The following KDSR variants were observed in gnomAD, a reference collection of about 807,000 sequenced individuals.
KDSR encodes the protein 3-dehydrosphinganine reductase.
In KDSR, 23 loss-of-function variants were observed where a neutral mutation model predicts 41.3. That is an observed-to-expected ratio of 0.56 (90% confidence interval 0.40 to 0.79). The LOEUF is 0.79. KDSR is among the 30% of genes least tolerant of loss of function. The probability of loss-of-function intolerance (pLI) is 0.00; values close to 1 mark genes in which losing one functional copy is unlikely to be tolerated. For synonymous variants in KDSR, 138 were observed against 151.7 expected (o/e 0.91, Z 0.66); for missense variants, 351 against 416.8 (o/e 0.84, Z 1.37).
rs563487105 is a variant in KDSR, at chr18:63,343,162, G to A, written c.693+1248C>T. 1.8e-4 allele frequency among the ~76,000 whole-genome samples: 28 copies of A among 152,238 alleles called. No homozygotes were observed. The South Asian group carries it at 4.1e-3, about 23-fold the overall frequency. On this transcript the variant is annotated intron_variant, in intron 7 of 9. Coordinates refer to ENST00000645214, the MANE Select transcript of KDSR (RefSeq NM_002035.4). ...ATCTCAGGCATTTATTTATAGTAATGCAAGAACGGACTAATACACTATCCT... is the reference window on the plus strand; with the variant it reads ...ATCTCAGGCATTTATTTATAGTAATACAAGAACGGACTAATACACTATCCT...
chr18:63,362,585 C>A (rs1915020763), intron 2 of KDSR, among the ~76,000 whole-genome samples, 194 bp downstream of exon 2: 1 of 152,150 alleles, frequency 6.6e-6, no homozygotes, highest in South Asian at 2.1e-4. Flanking sequence ...TAAATAAATA[C>A]TTGTGGGGCC....
intron 6 of KDSR, among the ~76,000 whole-genome samples, chr18:63,348,235 G>A (rs917979262): frequency 4.6e-5 from 7 of 151,804 alleles, no homozygotes; most frequent in Non-Finnish European, 8.8e-5. Flanking sequence ...CTTGGGCCCA[G>A]GAAGTGGAGG....
In KDSR at chr18:63,330,809, C is replaced by CTTT; in HGVS notation, c.*970_*972dup. ...AAAATTTTAGCTGGTCTTTTTTTTC[C>CTTT]TTTTTTTTTTTTTTTACAAAAATAT... On this transcript the variant is annotated 3_prime_UTR_variant, in exon 10 of 10. Coordinates refer to ENST00000645214, the MANE Select transcript of KDSR (RefSeq NM_002035.4). 2 of 198,022 alleles carry CTTT rather than the reference C, an allele frequency of 1.0e-5. No individual in the cohort carries two copies. Among genetic ancestry groups the CTTT allele is most frequent in the East Asian group, 7.2e-5 (1 of 13,834 alleles). 12.3% of individuals were successfully genotyped at this position (198,022 alleles called of 1,614,324 possible).
chr18:63,348,275 C>T (rs985026118), intron 6 of KDSR, among the ~76,000 whole-genome samples: 3 of 151,100 alleles, frequency 2.0e-5, no homozygotes, highest in Non-Finnish European at 4.4e-5. Context: ...AACCACTGCA[C>T]TCCAGCCTCG....
chr18:63,352,895 G>A (rs1315802378), intron 5 of KDSR, among the ~76,000 whole-genome samples: 4 of 151,746 alleles, frequency 2.6e-5, no homozygotes, highest in South Asian at 2.1e-4. Flanking sequence ...AGCCGGGCAC[G>A]GTGGCTCATG....
intron 8 of KDSR, chr18:63,335,609 T>C: frequency 2.5e-6 from 1 of 392,872 alleles, no homozygotes; most frequent in Non-Finnish European, 4.6e-6. Context: ...ATTCATTGTC[T>C]TTTCCACAGT....
At chr18:63,348,107 C>T (rs535732583) in intron 6 of KDSR, among the ~76,000 whole-genome samples, 7 of 151,848 alleles carry the variant, frequency 4.6e-5, no homozygotes, top group South Asian at 4.2e-4. Flanking sequence ...GGCAACATAG[C>T]GAGCGAGACC....
At chr18:63,332,991 AAAG>A (rs1414748081) in intron 9 of KDSR, among the ~76,000 whole-genome samples, 2 of 152,138 alleles carry the variant, frequency 1.3e-5, no homozygotes, top group Non-Finnish European at 2.9e-5. Flanking sequence ...AAGATTCCAA[AAAG>A]AAGAAGATGG....
chr18:63,350,854 G>C (rs1170469501), intron 6 of KDSR, 34 bp downstream of exon 6: 2 of 1,471,602 alleles, frequency 1.4e-6, no homozygotes, highest in Non-Finnish European at 9.4e-7. Flanking sequence ...GCTGAGCGGA[G>C]AGGAATAAAT....
chr18:63,359,945 C>T (rs544549127), intron 2 of KDSR, among the ~76,000 whole-genome samples, 153 bp from the exon 3 acceptor site: 2 of 152,206 alleles, frequency 1.3e-5, no homozygotes, highest in South Asian at 2.1e-4. Flanking sequence ...ACAGACTGGG[C>T]CACAGCCTAT....
At chr18:63,341,407 T>C (rs2144355368) in intron 7 of KDSR, among the ~76,000 whole-genome samples, 1 of 150,898 alleles carries the variant, frequency 6.6e-6, no homozygotes, top group Non-Finnish European at 1.5e-5. Flanking sequence ...AATAAAGATT[T>C]CAACAAAAAG....
chr18:63,342,045 T>A lies in KDSR; in HGVS notation c.693+2365A>T, dbSNP rs182422968. ...TCAGCCGGGCTTGGTGGCACGCACC[T>A]GTAATCCCAGCTACTCAGGAGGCTG... On this transcript the variant is annotated intron_variant, in intron 7 of 9. Transcript: ENST00000645214. Among the ~76,000 whole-genome samples the A allele has an allele frequency of 9.7e-4, 147 of 151,776 alleles. 2 individuals carry two copies. The highest frequency in any genetic ancestry group is 3.5e-3 in the African/African-American group (145 of 41,356).
Position 63,344,462 on chromosome 18 carries a change from G to A in KDSR, c.641C>T (p.Ala214Val). The A allele has an allele frequency of 6.2e-7, 1 of 1,613,974 alleles. No individual in the cohort carries two copies. The highest frequency in any genetic ancestry group is 8.5e-7 in the Non-Finnish European group (1 of 1,179,834). ...AGGTGTGTCTGTGTCTGGTGGGTAA[G>A]CAACTGTGATGTAGACATTATATGG... ...VKPYNVYITV[A>V]YPPDTDTPGF... The change falls in exon 7 of 10, where the codon GCT becomes GTT. Residue 214 changes from alanine (A) to valine (V), a missense_variant. Physicochemically the swap from Ala to Val is moderately conservative, Grantham distance 64 (BLOSUM62 0). Transcript: ENST00000645214.
intron 8 of KDSR, among the ~76,000 whole-genome samples, chr18:63,338,493 T>C (rs1914249685): frequency 6.6e-6 from 1 of 152,198 alleles, no homozygotes. Context: ...TGGGACATAG[T>C]ATATATCGTT....
intron 3 of KDSR, among the ~76,000 whole-genome samples, chr18:63,358,871 A>G (rs550135503): frequency 6.7e-6 from 1 of 148,794 alleles, no homozygotes; most frequent in South Asian, 2.1e-4. Flanking sequence ...TTATGTGCAT[A>G]TATGGTAAAA....
In KDSR at chr18:63,329,215, A is replaced by G. The variant is rs567019865; in HGVS notation, c.*2567T>C. 1 of 208,514 alleles carries G rather than the reference A, an allele frequency of 4.8e-6. No individual in the cohort carries two copies. The highest frequency in any genetic ancestry group is 7.3e-5 in the East Asian group (1 of 13,726). 12.9% of individuals were successfully genotyped at this position (208,514 alleles called of 1,614,324 possible). On this transcript the variant is annotated 3_prime_UTR_variant, in exon 10 of 10. Transcript: ENST00000645214. The stretch of plus-strand genomic sequence containing the variant: ...AAATGCCTACAACCCCTTATCCAAA[A>G]CCCGCTGGGCTGGATGTGTTTCAGA...
At chr18:63,356,695 A>T (rs1318513405) in intron 3 of KDSR, among the ~76,000 whole-genome samples, 1 of 152,214 alleles carries the variant, frequency 6.6e-6, no homozygotes, top group Non-Finnish European at 1.5e-5. Context: ...TGTCATGATG[A>T]GGAAGCCCAG....
intron 9 of KDSR, among the ~76,000 whole-genome samples, chr18:63,334,873 G>A (rs1375739292): frequency 1.3e-5 from 2 of 152,124 alleles, no homozygotes; most frequent in African/African-American, 2.4e-5. Context: ...ACCTAGAAAA[G>A]GTTTTCTAGT....
rs1416487158 is a variant in KDSR at position 63,335,340 on chromosome 18, A to T, written c.796T>A (p.Ser266Thr). Residue 266 changes from serine to threonine, a missense_variant, in exon 9 of 10, where the codon TCC becomes ACC. Coordinates refer to ENST00000645214, the MANE Select transcript of KDSR (RefSeq NM_002035.4). ...AGCATGTACCCATCTGAGCCAAGGG[A>T]ACTGTTGAAATTTCCTTGCTAAAAG... ...KDAIQGNFNS[S>T]LGSDGYMLSA... The T allele has an allele frequency of 6.2e-7, 1 of 1,613,520 alleles. No individual in the cohort carries two copies. Among genetic ancestry groups the T allele is most frequent in the South Asian group, 1.1e-5 (1 of 91,050 alleles).
Sources: allele counts gnomAD v4.1 joint callset (sites outside exome capture counted in the v4.1 genomes callset), GRCh38; gene constraint gnomAD v4.1.1; transcripts MANE v1.5; gene names NCBI Gene and HGNC (gene_info 2026-07-23, HGNC 2026-07-21).